RNF125: variants seen among roughly 807,000 people sequenced by gnomAD.
RNF125 encodes the protein ring finger protein 125.
Under a neutral mutation model 26.0 loss-of-function variants are expected in RNF125, and 21 were observed. The ratio of observed to expected loss-of-function variants is 0.81; its 90% CI spans 0.57 to 1.16. The LOEUF (loss-of-function observed/expected upper bound fraction) is 1.16, where lower values mean the gene tolerates loss of function less well. Ranked by LOEUF, RNF125 falls within the 50% of genes most tolerant of loss-of-function variation. The pLI is 0.00. For synonymous variants in RNF125, 95 were observed against 109.2 expected (o/e 0.87, Z 0.81); for missense variants, 270 against 299.4 (o/e 0.90, Z 0.72).
At chr18:32,066,194 A>G (rs1465505162) in intron 5 of RNF125, 185 bp downstream of exon 5, 5 of 422,064 alleles carry the variant, frequency 1.2e-5, no homozygotes, top group Non-Finnish European at 2.2e-5. Flanking sequence ...TCACGCCTGT[A>G]ATCCCAACAC....
chr18:32,040,269 C>CTTTTTTTTT (rs1185186501), intron 2 of RNF125, among the ~76,000 whole-genome samples: 1 of 104,490 alleles, frequency 9.6e-6, no homozygotes, highest in Non-Finnish European at 1.8e-5. Context: ...CAATTTCTTT[C>CTTTTTTTTT]TTTTTTTTTT....
At chr18:32,066,079 G>A in intron 5 of RNF125, 70 bp downstream of exon 5, 1 of 992,284 alleles carries the variant, frequency 1.0e-6, no homozygotes, top group Non-Finnish European at 1.6e-6. Context: ...TCCGATCCAA[G>A]TGAATAAAAT....
chr18:32,077,003 T>G (rs1238529798), downstream of RNF125, among the ~76,000 whole-genome samples: 1 of 152,222 alleles, frequency 6.6e-6, no homozygotes, highest in Non-Finnish European at 1.5e-5. Context: ...CTTATACATT[T>G]ATTTTCATTT....
chr18:32,050,350 C>A (rs995611610), intron 4 of RNF125, among the ~76,000 whole-genome samples: 2 of 152,246 alleles, frequency 1.3e-5, no homozygotes, highest in East Asian at 3.9e-4. Flanking sequence ...GACAGGGTCT[C>A]GCTCTGTCAC....
rs1395862804 is a variant in RNF125 at position 32,033,116 on chromosome 18, G to A, written c.165-4000G>A. 7.2e-5 allele frequency among the ~76,000 whole-genome samples: 11 copies of A among 152,324 alleles called. No individual in the cohort carries two copies. The East Asian group carries it at 2.1e-3, about 29-fold the overall frequency. On this transcript the variant is annotated intron_variant, in intron 1 of 5. Coordinates refer to ENST00000217740, the MANE Select transcript of RNF125 (RefSeq NM_017831.4). ...AAAGTCCAGATTGCCTGACATGCTG[G>A]TAACCAATTATTGGGGGCCAGTCCC...
the RNF125 span, among the ~76,000 whole-genome samples, chr18:32,080,220 G>A: frequency 6.6e-6 from 1 of 152,074 alleles, no homozygotes; most frequent in African/African-American, 2.4e-5. Flanking sequence ...GTAGAGACAG[G>A]GTTTCACCAT....
At chr18:32,033,990 C>CA (rs1209075529) in intron 1 of RNF125, among the ~76,000 whole-genome samples, 16 of 151,254 alleles carry the variant, frequency 1.1e-4, no homozygotes, top group African/African-American at 3.9e-4. Context: ...AAAAGAAAAC[C>CA]AAATACTGCA....
intron 3 of RNF125, among the ~76,000 whole-genome samples, chr18:32,043,799 TA>T (rs369306535): frequency 6.6e-6 from 1 of 152,334 alleles, no homozygotes; most frequent in African/African-American, 2.4e-5. Context: ...TGATTTATGA[TA>T]AAAATCTTTG....
At chr18:32,088,418 A>T in the RNF125 span, among the ~76,000 whole-genome samples, 3 of 152,258 alleles carry the variant, frequency 2.0e-5, no homozygotes, top group African/African-American at 7.2e-5. Flanking sequence ...GGCCTTGTCA[A>T]GAAATCAGTA....
At chr18:32,052,364 G>A (rs568714559) in intron 4 of RNF125, among the ~76,000 whole-genome samples, 17 of 151,748 alleles carry the variant, frequency 1.1e-4, no homozygotes, top group East Asian at 2.0e-4. Context: ...ACGGTGGCGC[G>A]CGTCTGTAGT....
chr18:32,020,002 C>CTG (rs149126113), intron 1 of RNF125, among the ~76,000 whole-genome samples: 12,043 of 149,844 alleles, frequency 0.08, 482 homozygotes, highest in Middle Eastern at 0.11. Context: ...TCTCTGTTTA[C>CTG]TGTGTGTGTG....
chr18:32,028,515 C>T (rs2039061822), intron 1 of RNF125, among the ~76,000 whole-genome samples: 1 of 151,498 alleles, frequency 6.6e-6, no homozygotes, highest in Non-Finnish European at 1.5e-5. Flanking sequence ...TTTTTCCTTT[C>T]TGCAGGCCAT....
chr18:32,060,272 G>A (rs373953387), intron 4 of RNF125, among the ~76,000 whole-genome samples: 1 of 152,132 alleles, frequency 6.6e-6, no homozygotes, highest in Non-Finnish European at 1.5e-5. Context: ...GCAGATGTCC[G>A]GTCCCTGACA....
At chr18:32,052,300 C>T (rs561708348) in intron 4 of RNF125, among the ~76,000 whole-genome samples, 17 of 151,722 alleles carry the variant, frequency 1.1e-4, no homozygotes, top group African/African-American at 4.1e-4. Context: ...CAAGACCAGC[C>T]TGGCCAATAT....
At chr18:32,088,696 C>T in the RNF125 span, among the ~76,000 whole-genome samples, 1 of 152,044 alleles carries the variant, frequency 6.6e-6, no homozygotes, top group African/African-American at 2.4e-5. Flanking sequence ...AGACAGGTTT[C>T]GCCATGTTGT....
chr18:32,041,126 A>G (rs1228139525), intron 2 of RNF125, among the ~76,000 whole-genome samples: 1 of 152,220 alleles, frequency 6.6e-6, no homozygotes, highest in Non-Finnish European at 1.5e-5. Context: ...CTTTAGCACA[A>G]GATCTTATCA....
In RNF125 at chr18:32,057,333, C is replaced by CT. The variant is rs531930687; in HGVS notation, c.505-8553dup. Among the ~76,000 whole-genome samples the CT allele has an allele frequency of 9.7e-3, 1,369 of 140,566 alleles. 24 individuals are homozygous for CT. Among genetic ancestry groups the CT allele is most frequent in the African/African-American group, 0.025 (954 of 38,476 alleles). The allele number at this position is 140,566 out of a possible 152,430, so 92.2% of individuals were successfully genotyped here. A position where few individuals can be genotyped will look rare whatever the true frequency, so the allele number is the denominator to read the frequency against. ...CTCAGTAAAATAGAACCCCAAATGA[C>CT]TTTTTTTTTTTTTTTTCTGAGACGG... On this transcript the variant is annotated intron_variant, in intron 4 of 5. Transcript: ENST00000217740.
the RNF125 span, among the ~76,000 whole-genome samples, chr18:32,088,943 G>A: frequency 1.3e-5 from 2 of 152,218 alleles, no homozygotes; most frequent in African/African-American, 2.4e-5. Context: ...GGGTTGGAGT[G>A]TGTGCCCTGG....
chr18:32,028,325 A>AAAG (rs2039058669), intron 1 of RNF125, among the ~76,000 whole-genome samples: 3 of 142,386 alleles, frequency 2.1e-5, no homozygotes, highest in Admixed American at 6.9e-5. Context: ...AAAAAAAAAA[A>AAAG]TAATAGGTAG....
Sources: gnomAD v4.1 joint callset for allele counts (sites outside exome capture counted in the v4.1 genomes callset) on GRCh38, gnomAD v4.1.1 for gene constraint, MANE v1.5 for transcripts, NCBI Gene and HGNC (gene_info 2026-07-23, HGNC 2026-07-21) for gene names.